Variants in RTTN observed in about 807,000 individuals in gnomAD.
The protein encoded by RTTN is rotatin.
RTTN carries 182 observed loss-of-function variants against 269.2 expected under a neutral mutation model. The observed-to-expected ratio is 0.68, with a 90% CI of 0.60 to 0.76. RTTN has a LOEUF of 0.76. RTTN is among the 30% of genes least tolerant of loss of function. The pLI, the probability that RTTN is intolerant of heterozygous loss-of-function variation, is 0.00. For missense variants in RTTN, 2,545 were observed against 2,608.6 expected (o/e 0.98, Z 0.53); for synonymous variants, 1,006 against 963.5 (o/e 1.04, Z -0.82).
At chr18:70,080,119 A>ATATTG (rs2058525457) in intron 32 of RTTN, among the ~76,000 whole-genome samples, 1 of 3,096 alleles carries the variant, frequency 3.2e-4, no homozygotes, top group Non-Finnish European at 6.0e-3. Context: ...CATAACAAAC[A>ATATTG]AAAGATAAAA....
intron 26 of RTTN, among the ~76,000 whole-genome samples, chr18:70,121,275 T>G (rs1431838988): frequency 6.6e-6 from 1 of 152,130 alleles, no homozygotes. Context: ...CCACCTGAAC[T>G]GAAATCCCCA....
At chr18:70,030,843 C>T in intron 41 of RTTN, 33 bp downstream of exon 41, 2 of 1,437,284 alleles carry the variant, frequency 1.4e-6, no homozygotes, top group Non-Finnish European at 1.9e-6. Context: ...ATTGATAATG[C>T]CATCAAAACA....
At chr18:70,079,258 G>T (rs1017910104) in intron 32 of RTTN, among the ~76,000 whole-genome samples, 5 of 151,760 alleles carry the variant, frequency 3.3e-5, no homozygotes, top group Non-Finnish European at 7.4e-5. Context: ...TTCAATTAGT[G>T]CATTCAAAAT....
chr18:70,037,091 A>C (rs2057197486), intron 40 of RTTN, among the ~76,000 whole-genome samples: 2 of 152,226 alleles, frequency 1.3e-5, no homozygotes, highest in South Asian at 4.1e-4. Context: ...GAGATCATTT[A>C]GATCAACTGC....
chr18:70,059,955 G>C lies in RTTN; in HGVS notation c.4835C>G (p.Ser1612Cys). 6.2e-7 allele frequency: 1 copy of C among 1,614,070 alleles called. No individual in the cohort carries two copies. The highest frequency in any genetic ancestry group is 8.5e-7 in the Non-Finnish European group (1 of 1,179,946). Residue 1612 changes from serine to cysteine, a missense_variant, in exon 36 of 49, where the codon TCT becomes TGT. By Grantham distance (112) the Ser-to-Cys change is moderately radical. Transcript: ENST00000640769. ...GAGGCTGCACATTGCTGAAAGAAGAGATGGAGTAACAAAAACACACAGTTT... is the reference window on the plus strand; with the variant it reads ...GAGGCTGCACATTGCTGAAAGAAGACATGGAGTAACAAAAACACACAGTTT... ...LPKLCVFVTP[S>C]LLSAMCSLLD... is the part of the protein sequence containing the mutation.
At chr18:70,172,216 A>G (rs1241720419) in intron 11 of RTTN, among the ~76,000 whole-genome samples, 3 of 152,258 alleles carry the variant, frequency 2.0e-5, no homozygotes, top group Non-Finnish European at 2.9e-5. Context: ...AGTATTCTCC[A>G]AAATCATTTA....
chr18:70,176,927 A>G, intron 10 of RTTN, 82 bp from the exon 11 acceptor site: 1 of 994,372 alleles, frequency 1.0e-6, no homozygotes, highest in South Asian at 2.3e-5. Context: ...AGAACAGTTT[A>G]AAATATTATC....
At chr18:70,044,954 A>C (rs1946684963) in intron 40 of RTTN, among the ~76,000 whole-genome samples, 1 of 152,224 alleles carries the variant, frequency 6.6e-6, no homozygotes, top group African/African-American at 2.4e-5. Context: ...ATAAAAGGCA[A>C]AACTACAGAT....
At chr18:70,203,289 G>A (rs1303265249) in intron 3 of RTTN, among the ~76,000 whole-genome samples, 3 of 151,344 alleles carry the variant, frequency 2.0e-5, no homozygotes, top group Admixed American at 6.6e-5. Context: ...TGCAACCTCC[G>A]CCCCCCGGGT....
At chr18:70,024,973 T>A (rs2056812649) in intron 43 of RTTN, 125 bp from the exon 44 acceptor site, 1 of 1,081,114 alleles carries the variant, frequency 9.2e-7, no homozygotes. Flanking sequence ...GGCTTCAGCA[T>A]CCTGCCCCAG....
chr18:70,157,129 TTGCCCATGGTTA>T (rs368749653), intron 14 of RTTN, among the ~76,000 whole-genome samples: 2,643 of 152,262 alleles, frequency 0.017, 29 homozygotes, highest in South Asian at 0.038. Flanking sequence ...CAGTGCGCAC[TTGCCCATGGTTA>T]CCCCCACCAC....
intron 4 of RTTN, among the ~76,000 whole-genome samples, chr18:70,200,014 C>A (rs1008609261): frequency 6.6e-6 from 1 of 152,138 alleles, no homozygotes; most frequent in Non-Finnish European, 1.5e-5. Flanking sequence ...TATCAGTGTT[C>A]GAACAAGATT....
At position 70,118,447 on chromosome 18, in the gene RTTN, A is replaced by T. The variant is rs117338404; in HGVS notation, c.3528+3109T>A. Among the ~76,000 whole-genome samples the T allele has an allele frequency of 6.0e-3, 917 of 152,064 alleles. 3 individuals carry two copies. The highest frequency in any genetic ancestry group is 0.01 in the Middle Eastern group (3 of 294). On this transcript the variant is annotated intron_variant, in intron 26 of 48. Coordinates refer to ENST00000640769, the MANE Select transcript of RTTN (RefSeq NM_173630.4). ...AATAAGGAGATTAAATCAGTAATGC[A>T]AAGTCTTTCACCAAAAAAAAGCCCA...
intron 14 of RTTN, among the ~76,000 whole-genome samples, chr18:70,158,852 G>A (rs2060752952): frequency 6.6e-6 from 1 of 151,966 alleles, no homozygotes; most frequent in South Asian, 2.1e-4. Flanking sequence ...ATAAAGAAAG[G>A]CATTACATAA....
chr18:70,142,026 C>T (rs995692763), intron 19 of RTTN, among the ~76,000 whole-genome samples: 10 of 152,134 alleles, frequency 6.6e-5, no homozygotes, highest in African/African-American at 2.4e-4. Flanking sequence ...TAGCAAACTT[C>T]TTCTGTAAAG....
chr18:70,137,430 C>T (rs1341420151), intron 21 of RTTN, among the ~76,000 whole-genome samples: 1 of 152,072 alleles, frequency 6.6e-6, no homozygotes, highest in Non-Finnish European at 1.5e-5. Context: ...TTATTGTACT[C>T]ATTTGATCCA....
intron 35 of RTTN, among the ~76,000 whole-genome samples, chr18:70,062,649 A>T (rs4891393): frequency 0.068 from 8,644 of 126,580 alleles, 317 homozygotes; most frequent in African/African-American, 0.12. Context: ...AAATGGTCTC[A>T]CTGTTGCCCA....
intron 14 of RTTN, among the ~76,000 whole-genome samples, chr18:70,162,164 A>G (rs2060848456): frequency 1.3e-5 from 2 of 152,366 alleles, no homozygotes; most frequent in South Asian, 4.1e-4. Flanking sequence ...TACATCATGG[A>G]AAACTACTCA....
chr18:70,135,404 A>G, intron 21 of RTTN, 124 bp from the exon 22 acceptor site: 2 of 571,750 alleles, frequency 3.5e-6, no homozygotes, highest in South Asian at 2.2e-5. Flanking sequence ...AGGTGACACT[A>G]AAACACAGGC....
Sources: allele counts gnomAD v4.1 joint callset (sites outside exome capture counted in the v4.1 genomes callset), GRCh38; gene constraint gnomAD v4.1.1; transcripts MANE v1.5; gene names NCBI Gene and HGNC (gene_info 2026-07-23, HGNC 2026-07-21).